NCR1: variants seen among roughly 807,000 people sequenced by gnomAD.
NCR1 encodes the protein natural cytotoxicity triggering receptor 1.
NCR1 carries 30 observed loss-of-function variants against 32.5 expected under a neutral mutation model. The observed-to-expected ratio is 0.92, with a 90% CI of 0.69 to 1.25. The LOEUF (loss-of-function observed/expected upper bound fraction) is 1.25. Among genes scored for constraint, NCR1 ranks in the 50% most tolerant of loss-of-function variants. The probability of loss-of-function intolerance (pLI) is 0.00; values close to 1 mark genes in which losing one functional copy is unlikely to be tolerated. For synonymous variants in NCR1, 169 were observed against 143.4 expected, an observed-to-expected ratio of 1.18 and a Z score of -1.28; for missense variants, 369 against 380.7, an observed-to-expected ratio of 0.97 and a Z score of 0.26.
upstream of NCR1, chr19:54,906,038 G>A (rs1374126109): frequency 6.8e-6 from 6 of 888,886 alleles, no homozygotes; most frequent in Non-Finnish European, 1.1e-5. Flanking sequence ...GAGGCGGAGG[G>A]GAGTTGTGAA....
Position 54,912,689 on chromosome 19 carries a change from G to A in NCR1, c.734-1G>A. ...CGATCACCCTGTTCTCCTGCCTACA[G>A]ACCATGCCCTCTGGGATCACACTGC... On this transcript the variant is annotated splice_acceptor_variant, in intron 6 of 6. Coordinates refer to ENST00000291890, the MANE Select transcript of NCR1 (RefSeq NM_004829.7). LOFTEE classifies it high-confidence loss of function. 1 of 1,552,212 alleles carries A rather than the reference G, an allele frequency of 6.4e-7. No homozygotes were observed. Among genetic ancestry groups the A allele is most frequent in the Non-Finnish European group, 8.8e-7 (1 of 1,137,690 alleles).
At chr19:54,934,046 C>T in the NCR1 span, among the ~76,000 whole-genome samples, 1 of 152,168 alleles carries the variant, frequency 6.6e-6, no homozygotes, top group African/African-American at 2.4e-5. This position sits in a 1 kb window ranked among gnomAD's most constrained non-coding sequence, Gnocchi z 6.7. Context: ...CAGGTTTACA[C>T]CATTCTGCTG....
the NCR1 span, chr19:54,936,307 G>T: frequency 6.2e-7 from 1 of 1,613,946 alleles, no homozygotes; most frequent in African/African-American, 1.3e-5. Flanking sequence ...AGGTCACACA[G>T]CATCAGCATC....
chr19:54,925,539 C>T, the NCR1 span, among the ~76,000 whole-genome samples: 1 of 151,842 alleles, frequency 6.6e-6, no homozygotes, highest in Admixed American at 6.6e-5. Context: ...TGCACAGTGG[C>T]TCACGCCTGC....
upstream of NCR1, among the ~76,000 whole-genome samples, chr19:54,901,260 C>T (rs2067295469): frequency 6.9e-6 from 1 of 144,580 alleles, no homozygotes; most frequent in Non-Finnish European, 1.5e-5. Flanking sequence ...ACTCAGGAGG[C>T]TGAGGCAAGA....
chr19:54,909,148 C>A (rs966451913), intron 3 of NCR1, 97 bp from the exon 4 acceptor site: 1 of 1,233,442 alleles, frequency 8.1e-7, no homozygotes. Context: ...CCAGCCTGGG[C>A]GACAGAGAGA....
intron 5 of NCR1, among the ~76,000 whole-genome samples, chr19:54,911,113 G>A (rs1002012254): frequency 2.6e-5 from 4 of 152,186 alleles, no homozygotes; most frequent in African/African-American, 9.6e-5. Context: ...TTGGGAAACC[G>A]AGGCAGGTGG....
upstream of NCR1, among the ~76,000 whole-genome samples, chr19:54,903,614 A>G (rs918906876): frequency 4.7e-5 from 7 of 147,474 alleles, 1 homozygote; most frequent in East Asian, 2.0e-4. Flanking sequence ...GCATGTGTAT[A>G]TATACATGTA....
the NCR1 span, chr19:54,934,460 A>G: frequency 1.2e-6 from 2 of 1,612,452 alleles, no homozygotes; most frequent in Non-Finnish European, 1.7e-6. The surrounding 1 kb of genome is among the most constrained non-coding windows in gnomAD (Gnocchi z 6.7). Context: ...GAACTAAACC[A>G]GAGCTGCCCA....
At chr19:54,923,225 G>A in the NCR1 span, among the ~76,000 whole-genome samples, 4 of 152,310 alleles carry the variant, frequency 2.6e-5, no homozygotes, top group Admixed American at 2.6e-4. Context: ...GAGAGCTGAT[G>A]AGAGACCGCG....
At chr19:54,936,768 A>G in the NCR1 span, among the ~76,000 whole-genome samples, 1 of 152,000 alleles carries the variant, frequency 6.6e-6, no homozygotes, top group African/African-American at 2.4e-5. Context: ...TACAAAAATT[A>G]GCTGCACATG....
At chr19:54,911,348 CA>C (rs1322243831) in intron 5 of NCR1, among the ~76,000 whole-genome samples, 1 of 132,564 alleles carries the variant, frequency 7.5e-6, no homozygotes, top group Non-Finnish European at 1.6e-5. Flanking sequence ...GACTCCGTCT[CA>C]AAAAAAAAGA....
upstream of NCR1, among the ~76,000 whole-genome samples, chr19:54,903,591 T>C (rs1270766935): frequency 1.3e-5 from 2 of 149,256 alleles, no homozygotes; most frequent in East Asian, 2.0e-4. Flanking sequence ...CATATACATG[T>C]ATGTGTATAT....
the NCR1 span, among the ~76,000 whole-genome samples, chr19:54,930,912 A>C: frequency 0.54 from 82,381 of 151,728 alleles, 22,671 homozygotes; most frequent in East Asian, 0.72. Flanking sequence ...AGTGCCAGCT[A>C]CTCAGAAGAC....
the NCR1 span, among the ~76,000 whole-genome samples, chr19:54,921,462 G>C: frequency 2.0e-5 from 3 of 152,148 alleles, no homozygotes; most frequent in Non-Finnish European, 2.9e-5. Flanking sequence ...CAACCTCCAG[G>C]TTTGGGTTAG....
chr19:54,902,512 C>T (rs1004649472), upstream of NCR1, among the ~76,000 whole-genome samples: 3 of 151,996 alleles, frequency 2.0e-5, no homozygotes, highest in African/African-American at 7.2e-5. Context: ...AGCAATCCAC[C>T]CACCTCGGCC....
chr19:54,905,697 T>A (rs774759138), upstream of NCR1, among the ~76,000 whole-genome samples: 5 of 152,300 alleles, frequency 3.3e-5, no homozygotes, highest in South Asian at 2.1e-4. Flanking sequence ...AGTTCATGTT[T>A]AAAGGACTCC....
chr19:54,916,049 AGCTGATGCC>A (rs2068125228), downstream of NCR1: 1 of 150,480 alleles, frequency 6.6e-6, no homozygotes, highest in Non-Finnish European at 1.5e-5. Context: ...AAGTACAGCG[AGCTGATGCC>A]GATCTCATTT....
At chr19:54,922,895 C>T in the NCR1 span, among the ~76,000 whole-genome samples, 1 of 150,902 alleles carries the variant, frequency 6.6e-6, no homozygotes, top group African/African-American at 2.4e-5. Flanking sequence ...CAGAGACACA[C>T]ACACAGAAAC....
Sources: gnomAD v4.1 joint callset for allele counts (sites outside exome capture counted in the v4.1 genomes callset) on GRCh38, gnomAD v4.1.1 for gene constraint, Gnocchi (gnomAD v3.1) non-coding constraint, MANE v1.5 for transcripts, NCBI Gene and HGNC (gene_info 2026-07-23, HGNC 2026-07-21) for gene names.